Variants in CTDSPL2 observed in about 807,000 individuals in gnomAD.
CTDSPL2 encodes CTD small phosphatase like 2.
In CTDSPL2, 5 loss-of-function variants were observed where a neutral mutation model predicts 60.0. The observed-to-expected ratio is 0.08, with a 90% CI of 0.04 to 0.18. The LOEUF (loss-of-function observed/expected upper bound fraction) is 0.18. Ranked by LOEUF, CTDSPL2 falls within the 10% of genes least tolerant of loss-of-function variation. The pLI is 1.00. For missense variants in CTDSPL2, 370 were observed against 548.8 expected, an observed-to-expected ratio of 0.67 and a Z score of 3.26; for synonymous variants, 186 against 189.3, an observed-to-expected ratio of 0.98 and a Z score of 0.14.
chr15:44,439,446 A>G (rs1473062693), intron 1 of CTDSPL2, among the ~76,000 whole-genome samples: 1 of 151,664 alleles, frequency 6.6e-6, no homozygotes, highest in African/African-American at 2.4e-5. Flanking sequence ...GGCTTGAGCC[A>G]CCGCGCCTTA....
At chr15:44,484,197 G>A in intron 2 of CTDSPL2, 27 bp from the exon 3 acceptor site, 1 of 1,574,356 alleles carries the variant, frequency 6.4e-7, no homozygotes, top group Non-Finnish European at 8.6e-7. Context: ...TGTGCTTAGT[G>A]TGTTTTTTTT....
At chr15:44,479,931 C>T (rs2080995159) in intron 2 of CTDSPL2, among the ~76,000 whole-genome samples, 2 of 152,086 alleles carry the variant, frequency 1.3e-5, no homozygotes, top group South Asian at 4.1e-4. Context: ...CAGGGTATCT[C>T]TTTGAACAAA....
At position 44,524,342 on chromosome 15, in the gene CTDSPL2, T is replaced by C. The variant is rs1468049701; in HGVS notation, c.*168T>C. The C allele has an allele frequency of 2.3e-5, 14 of 611,936 alleles. No individual in the cohort carries two copies. The East Asian group carries it at 3.9e-4, about 17-fold the overall frequency. The allele number at this position is 611,936 out of a possible 1,614,324, so 37.9% of individuals were successfully genotyped here. A position where few individuals can be genotyped will look rare whatever the true frequency, so the allele number is the denominator to read the frequency against. On this transcript the variant is annotated 3_prime_UTR_variant, in exon 13 of 13. Transcript: ENST00000260327. ...AAGGGTTACAGAAAGAGACTTTATC[T>C]ATCTCAGATCGAATACATATAGTAG...
At chr15:44,444,311 A>ACACG (rs1375661295) in intron 1 of CTDSPL2, among the ~76,000 whole-genome samples, 1 of 145,828 alleles carries the variant, frequency 6.9e-6, no homozygotes, top group Non-Finnish European at 1.6e-5. Context: ...ATACACACAC[A>ACACG]CACACACACA....
intron 1 of CTDSPL2, among the ~76,000 whole-genome samples, chr15:44,435,042 A>G (rs933191168): frequency 2.0e-5 from 3 of 152,080 alleles, no homozygotes; most frequent in Admixed American, 2.0e-4. Context: ...CAGGCGGATT[A>G]CAAGGTCAGG....
intron 3 of CTDSPL2, 82 bp from the exon 4 acceptor site, chr15:44,486,469 A>C: frequency 1.1e-6 from 1 of 941,924 alleles, no homozygotes; most frequent in Non-Finnish European, 1.5e-6. Context: ...AAAAAGAGTT[A>C]CTTCTATAAT....
chr15:44,455,734 C>A (rs966906873), intron 1 of CTDSPL2, among the ~76,000 whole-genome samples: 1 of 150,324 alleles, frequency 6.7e-6, no homozygotes. Context: ...TATTGATTTG[C>A]GTATGTTGAA....
chr15:44,476,443 T>A (rs1445864226), intron 2 of CTDSPL2, among the ~76,000 whole-genome samples: 1 of 152,176 alleles, frequency 6.6e-6, no homozygotes, highest in Non-Finnish European at 1.5e-5. Context: ...TAAATGTATT[T>A]TAAATGAATA....
chr15:44,494,700 A>C (rs1675930029), intron 5 of CTDSPL2, among the ~76,000 whole-genome samples: 1 of 152,010 alleles, frequency 6.6e-6, no homozygotes, highest in Non-Finnish European at 1.5e-5. Flanking sequence ...GGATCACCTG[A>C]GGTCAGGAGT....
At chr15:44,484,507 G>A (rs1595746724) in intron 3 of CTDSPL2, 145 bp downstream of exon 3, 8 of 756,318 alleles carry the variant, frequency 1.1e-5, no homozygotes, top group Admixed American at 3.0e-5. Flanking sequence ...GGCCGAGGTC[G>A]GCGGATCATT....
chr15:44,478,489 A>G (rs1454972586), intron 2 of CTDSPL2, among the ~76,000 whole-genome samples: 3 of 140,930 alleles, frequency 2.1e-5, no homozygotes, highest in East Asian at 4.3e-4. Context: ...AAAAAGACTC[A>G]TGAGAAGCAT....
chr15:44,454,641 A>C (rs991477721), intron 1 of CTDSPL2, among the ~76,000 whole-genome samples: 1 of 152,226 alleles, frequency 6.6e-6, no homozygotes, highest in Non-Finnish European at 1.5e-5. Context: ...AGCTTTCTAC[A>C]TATGGCTAGC....
intron 2 of CTDSPL2, among the ~76,000 whole-genome samples, chr15:44,468,736 A>G (rs989998479): frequency 6.6e-6 from 1 of 151,938 alleles, no homozygotes; most frequent in South Asian, 2.1e-4. Flanking sequence ...GTTCCCCCCT[A>G]TCTTTGGTTT....
intron 2 of CTDSPL2, among the ~76,000 whole-genome samples, chr15:44,474,063 G>C (rs1595734695): frequency 6.6e-6 from 1 of 152,240 alleles, no homozygotes; most frequent in Non-Finnish European, 1.5e-5. Context: ...TCTGGGCTCA[G>C]GCAGTCTACC....
In CTDSPL2 at chr15:44,459,976, A is replaced by G. The variant is rs78034257; in HGVS notation, c.186+776A>G. Among the ~76,000 whole-genome samples the G allele has an allele frequency of 2.0e-4, 30 of 152,310 alleles. No homozygotes were observed. The East Asian group carries it at 5.6e-3, about 28-fold the overall frequency. On this transcript the variant is annotated intron_variant, in intron 2 of 12. Transcript: ENST00000260327. ...ATTCTGGACCAACTTGAGTGACCTA[A>G]GGAGAGAGTCATTTACCCCCCAAGC... is the stretch of plus-strand genomic sequence containing the variant.
chr15:44,508,337 G>A (rs894640781), intron 8 of CTDSPL2, among the ~76,000 whole-genome samples: 1 of 151,820 alleles, frequency 6.6e-6, no homozygotes, highest in Admixed American at 6.6e-5. Context: ...CTTTCACCTC[G>A]GCCTCCCAAA....
intron 2 of CTDSPL2, among the ~76,000 whole-genome samples, chr15:44,472,196 T>G (rs920140450): frequency 1.3e-5 from 2 of 152,194 alleles, no homozygotes; most frequent in East Asian, 1.9e-4. Flanking sequence ...TTTTCCGTTG[T>G]CTTGGGTAAG....
At chr15:44,510,107 T>C (rs1207836522) in intron 8 of CTDSPL2, among the ~76,000 whole-genome samples, 4 of 151,010 alleles carry the variant, frequency 2.6e-5, no homozygotes, top group African/African-American at 9.7e-5. Context: ...GGTCTCAGCC[T>C]CCCCAGTAGC....
chr15:44,525,717 C>T lies in CTDSPL2; in HGVS notation c.*1543C>T, dbSNP rs1226568464. ...ATGCAGCTTCATTTTCAAATGAATCCTTAAAATAAGGAAATCTTTTTAGGA... is the reference window on the plus strand; with the variant it reads ...ATGCAGCTTCATTTTCAAATGAATCTTTAAAATAAGGAAATCTTTTTAGGA... On this transcript the variant is annotated 3_prime_UTR_variant, in exon 13 of 13. Transcript: ENST00000260327. 7 of 376,836 alleles carry T rather than the reference C, an allele frequency of 1.9e-5. No homozygotes were observed. Among genetic ancestry groups the T allele is most frequent in the African/African-American group, 4.2e-5 (2 of 48,180 alleles). The allele number at this position is 376,836 out of a possible 1,614,324, so 23.3% of individuals were successfully genotyped here. A position where few individuals can be genotyped will look rare whatever the true frequency, so the allele number is the denominator to read the frequency against.
Sources: allele counts gnomAD v4.1 joint callset (sites outside exome capture counted in the v4.1 genomes callset), GRCh38; gene constraint gnomAD v4.1.1; transcripts MANE v1.5; gene names NCBI Gene and HGNC (gene_info 2026-07-23, HGNC 2026-07-21).